Variants in NTRK3 observed in about 807,000 individuals in gnomAD.
The protein encoded by NTRK3 is NT-3 growth factor receptor.
A neutral mutation model predicts 91.7 loss-of-function variants in NTRK3; 24 were observed. The ratio of observed to expected loss-of-function variants is 0.26; its 90% CI spans 0.19 to 0.37. NTRK3 has a LOEUF of 0.37. Ranked by LOEUF, NTRK3 falls within the 10% of genes least tolerant of loss-of-function variation. The pLI, the probability that NTRK3 is intolerant of heterozygous loss-of-function variation, is 1.00. For missense variants in NTRK3, 880 were observed against 1,068.9 expected (o/e 0.82, Z 2.46); for synonymous variants, 483 against 404.0 (o/e 1.20, Z -2.34).
chr15:88,023,660 T>C (rs944465409), intron 14 of NTRK3, among the ~76,000 whole-genome samples: 1 of 152,126 alleles, frequency 6.6e-6, no homozygotes, highest in Admixed American at 6.5e-5. Flanking sequence ...CTCTCCCATG[T>C]CACATCTAGC....
chr15:87,906,719 G>T (rs538916019), intron 17 of NTRK3, among the ~76,000 whole-genome samples: 1 of 152,028 alleles, frequency 6.6e-6, no homozygotes, highest in Non-Finnish European at 1.5e-5. Flanking sequence ...CAATGCGATT[G>T]CTTTGACGTC....
At chr15:88,003,101 A>C (rs2076234243) in intron 14 of NTRK3, among the ~76,000 whole-genome samples, 1 of 152,256 alleles carries the variant, frequency 6.6e-6, no homozygotes, top group Non-Finnish European at 1.5e-5. Context: ...ATTTAGAAAA[A>C]AAATCATTAA....
exon 15 of NTRK3, chr15:87,940,639 A>G: frequency 6.2e-7 from 1 of 1,613,950 alleles, no homozygotes; most frequent in Non-Finnish European, 8.5e-7. Flanking sequence ...AGCCACAAGC[A>G]TCTTGTCCTT....
In NTRK3 at chr15:88,240,935, A is replaced by C. The variant is rs1017400981; in HGVS notation, c.248+14971T>G. 7.7e-4 allele frequency among the ~76,000 whole-genome samples: 118 copies of C among 152,320 alleles called. No homozygotes were observed. Among genetic ancestry groups the C allele is most frequent in the African/African-American group, 2.8e-3 (117 of 41,588 alleles). ...TGTGCCCAGCATTCTGCATGGAGGCATGTGTGCCCTCAGCAAGCTGGGAGG... is the reference window on the plus strand; with the variant it reads ...TGTGCCCAGCATTCTGCATGGAGGCCTGTGTGCCCTCAGCAAGCTGGGAGG... On this transcript the variant is annotated intron_variant, in intron 3 of 18. Coordinates refer to ENST00000394480, the Ensembl canonical transcript of NTRK3. This position sits in a 1 kb window ranked among gnomAD's most constrained non-coding sequence, Gnocchi z 4.9.
chr15:88,138,393 G>GA (rs2042078823), intron 6 of NTRK3, among the ~76,000 whole-genome samples: 2 of 152,162 alleles, frequency 1.3e-5, no homozygotes, highest in Admixed American at 1.3e-4. Flanking sequence ...CTGGGCGACA[G>GA]AGCAAGACTC....
Position 87,973,995 on chromosome 15 carries a change from CACA to C in NTRK3, c.1586-33245_1586-33243del, listed in dbSNP as rs776406985. Among the ~76,000 whole-genome samples, 153 of 152,310 alleles carry C rather than the reference CACA, an allele frequency of 1.0e-3. 2 individuals are homozygous for C. The highest frequency in any genetic ancestry group is 8.1e-4 in the Non-Finnish European group (55 of 68,030). ...ATGTCTGGCTCCGTGCAGAAAGCTA[CACA>C]ACAATGAAGTCGTCCTGCATTGATC... On this transcript the variant is annotated intron_variant, in intron 14 of 18. Coordinates refer to ENST00000394480, the Ensembl canonical transcript of NTRK3.
chr15:87,989,399 A>G (rs1177093068), intron 14 of NTRK3, among the ~76,000 whole-genome samples: 1 of 152,210 alleles, frequency 6.6e-6, no homozygotes, highest in Non-Finnish European at 1.5e-5. Flanking sequence ...AAACTATCGC[A>G]AGGACAAAAA....
At chr15:88,256,148 A>C in exon 3 of NTRK3, 3 of 1,562,548 alleles carry the variant, frequency 1.9e-6, no homozygotes, top group Non-Finnish European at 2.6e-6. Context: ...AAAGAGAGAC[A>C]TCCATCTCCG....
At chr15:88,101,616 C>A (rs2050183256) in intron 13 of NTRK3, among the ~76,000 whole-genome samples, 1 of 152,174 alleles carries the variant, frequency 6.6e-6, no homozygotes, top group Non-Finnish European at 1.5e-5. Flanking sequence ...TGCAACCAAC[C>A]CAAATGTCCA....
chr15:88,236,135 G>C (rs2141819398), intron 3 of NTRK3, among the ~76,000 whole-genome samples: 1 of 152,274 alleles, frequency 6.6e-6, no homozygotes, highest in Admixed American at 6.5e-5. Flanking sequence ...TCACAAAAAG[G>C]CTTGTACAAG....
chr15:87,880,038 T>A (rs1369249489), intron 18 of NTRK3, among the ~76,000 whole-genome samples: 1 of 152,240 alleles, frequency 6.6e-6, no homozygotes. Flanking sequence ...GAGGCATGAC[T>A]TGAGTCTCAA....
rs372646244 is a variant in NTRK3 at position 88,251,847 on chromosome 15, G to A, written c.248+4059C>T. ...AGGTTGCAGGCTTAGCCTTCCTGGG[G>A]CCAGTAGATGAGGACTTTCAAAGCA... On this transcript the variant is annotated intron_variant, in intron 3 of 18. Transcript: ENST00000394480. 6.6e-4 allele frequency among the ~76,000 whole-genome samples: 100 copies of A among 152,356 alleles called. 1 individual carries two copies. The South Asian group carries it at 0.02, about 31-fold the overall frequency.
In NTRK3 at chr15:87,880,336, G is replaced by A. The variant is rs79813886; in HGVS notation, c.2226C>T (p.Phe742=). The change falls in exon 18 of 19, where the codon TTC becomes TTT. Residue 742 remains phenylalanine, a synonymous_variant. Coordinates refer to ENST00000394480, the Ensembl canonical transcript of NTRK3. ...TGAAGATCTCCCAGAGGATCACCCC[G>A]AAGCTCCATACATCACTCTCTGTAG... The A allele has an allele frequency of 6.4e-5, 104 of 1,613,530 alleles. No individual in the cohort carries two copies. The South Asian group carries it at 7.9e-4, about 12-fold the overall frequency.
At chr15:88,204,202 C>T (rs1028162424) in intron 3 of NTRK3, among the ~76,000 whole-genome samples, 1 of 152,142 alleles carries the variant, frequency 6.6e-6, no homozygotes, top group Non-Finnish European at 1.5e-5. Context: ...CAAACTCTCT[C>T]CTCCATTGGA....
intron 3 of NTRK3, among the ~76,000 whole-genome samples, chr15:88,222,681 A>G (rs780715020): frequency 3.9e-5 from 6 of 152,072 alleles, no homozygotes; most frequent in Admixed American, 2.0e-4. Context: ...AGTAGACAAA[A>G]CTGCCACTTT....
intron 17 of NTRK3, among the ~76,000 whole-genome samples, chr15:87,896,714 C>G (rs1405941807): frequency 6.6e-6 from 1 of 152,118 alleles, no homozygotes; most frequent in Non-Finnish European, 1.5e-5. Flanking sequence ...TGTGCACTCA[C>G]AGATACATGT....
intron 13 of NTRK3, among the ~76,000 whole-genome samples, chr15:88,044,820 C>A (rs777629621): frequency 5.9e-5 from 9 of 152,166 alleles, no homozygotes; most frequent in Non-Finnish European, 1.0e-4. Flanking sequence ...TTGACACAGA[C>A]CCTATCATCT....
intron 3 of NTRK3, among the ~76,000 whole-genome samples, chr15:88,225,769 G>C (rs549862433): frequency 6.6e-6 from 1 of 152,150 alleles, no homozygotes; most frequent in African/African-American, 2.4e-5. Flanking sequence ...TCAGGGAGCC[G>C]ACAGCCCCGT....
intron 3 of NTRK3, among the ~76,000 whole-genome samples, chr15:88,218,060 C>G (rs74027905): frequency 0.04 from 6,076 of 152,244 alleles, 432 homozygotes; most frequent in African/African-American, 0.14. Flanking sequence ...AATCTCAACC[C>G]TCCCTAAAGA....
Sources: gnomAD v4.1 joint callset for allele counts (sites outside exome capture counted in the v4.1 genomes callset) on GRCh38, gnomAD v4.1.1 for gene constraint, Gnocchi (gnomAD v3.1) non-coding constraint, MANE v1.5 for transcripts, NCBI Gene and HGNC (gene_info 2026-07-23, HGNC 2026-07-21) for gene names.